TSPAN9: variants seen among roughly 807,000 people sequenced by gnomAD.
TSPAN9 encodes tetraspanin-9.
In TSPAN9, 16 loss-of-function variants were observed where a neutral mutation model predicts 31.0. The ratio of observed to expected loss-of-function variants is 0.52; its 90% CI spans 0.35 to 0.78. TSPAN9 has a LOEUF of 0.78. Among genes scored for constraint, TSPAN9 ranks in the 30% least tolerant of loss-of-function variants. The pLI is 0.01. For missense variants in TSPAN9, 272 were observed against 312.5 expected (o/e 0.87, Z 0.98); for synonymous variants, 145 against 121.6 (o/e 1.19, Z -1.27).
chr12:3,120,876 AC>A (rs1400515585), intron 2 of TSPAN9, among the ~76,000 whole-genome samples: 1 of 152,238 alleles, frequency 6.6e-6, no homozygotes, highest in African/African-American at 2.4e-5. Flanking sequence ...AATGGGGTAG[AC>A]CAGCCCCCAG....
rs769920229 is a variant in TSPAN9 at position 3,147,776 on chromosome 12, G to T, written c.-17-53401G>T. Among the ~76,000 whole-genome samples, 1 of 152,212 alleles carries T rather than the reference G, an allele frequency of 6.6e-6. No individual in the cohort carries two copies. The highest frequency in any genetic ancestry group is 1.5e-5 in the Non-Finnish European group (1 of 68,046). ...TGCCACGTCGGACGGTACTGTTCTA[G>T]ACCAGTAGTTTTCACCTGCAGTGTT... On this transcript the variant is annotated intron_variant, in intron 2 of 8. Transcript: ENST00000011898. The surrounding 1 kb of genome is among the most constrained non-coding windows in gnomAD (Gnocchi z 4.3).
At position 3,086,976 on chromosome 12, in the gene TSPAN9, G is replaced by A. The variant is rs117024727; in HGVS notation, c.-18+3257G>A. On this transcript the variant is annotated intron_variant, in intron 2 of 8. Coordinates refer to ENST00000011898, the MANE Select transcript of TSPAN9 (RefSeq NM_006675.5). ...TCTGGTCCCTCCCCTTGCAATGTGG[G>A]GAATGTGTCAGGTTCAGAGTCAGGG... Among the ~76,000 whole-genome samples, 502 of 152,304 alleles carry A rather than the reference G, an allele frequency of 3.3e-3. 5 individuals are homozygous for A. In the East Asian group the frequency reaches 0.043, roughly 13 times the overall value.
intron 3 of TSPAN9, among the ~76,000 whole-genome samples, chr12:3,239,161 G>A (rs2098395320): frequency 6.6e-6 from 1 of 150,822 alleles, no homozygotes; most frequent in South Asian, 2.1e-4. Context: ...AGGCGTAGAG[G>A]GGTGCCTGGT....
chr12:3,281,875 A>G (rs1828564629), intron 8 of TSPAN9, 58 bp downstream of exon 8: 1 of 1,572,814 alleles, frequency 6.4e-7, no homozygotes, highest in Non-Finnish European at 8.7e-7. Flanking sequence ...CTCAGAGGGA[A>G]GGAAGCACAG....
intron 2 of TSPAN9, among the ~76,000 whole-genome samples, chr12:3,141,569 C>T (rs1053201101): frequency 5.9e-5 from 9 of 152,096 alleles, no homozygotes; most frequent in African/African-American, 1.7e-4. Context: ...TCCCTCATTC[C>T]GTGCCCTCAT....
intron 3 of TSPAN9, among the ~76,000 whole-genome samples, chr12:3,201,811 G>C (rs1336934687): frequency 6.6e-6 from 1 of 152,246 alleles, no homozygotes; most frequent in Non-Finnish European, 1.5e-5. Flanking sequence ...GGCTCAAGCC[G>C]ATGGACCTGC....
intron 2 of TSPAN9, among the ~76,000 whole-genome samples, chr12:3,142,502 G>C (rs939885792): frequency 6.6e-6 from 1 of 152,178 alleles, no homozygotes; most frequent in East Asian, 1.9e-4. Flanking sequence ...AATGTAAGGC[G>C]ATGATTATTT....
chr12:3,157,341 T>C (rs937110321), intron 2 of TSPAN9, among the ~76,000 whole-genome samples: 17 of 151,792 alleles, frequency 1.1e-4, no homozygotes, highest in Non-Finnish European at 2.2e-4. Context: ...GACCGCATGA[T>C]CCCCCCACCT....
chr12:3,105,841 C>T (rs1214005064), intron 2 of TSPAN9, among the ~76,000 whole-genome samples: 2 of 124,424 alleles, frequency 1.6e-5, no homozygotes, highest in Non-Finnish European at 3.6e-5. Context: ...CTTTCATACA[C>T]ACGCTCACAC....
Position 3,169,652 on chromosome 12 carries a change from A to G in TSPAN9, c.-17-31525A>G, listed in dbSNP as rs372664359. Among the ~76,000 whole-genome samples, 8 of 152,362 alleles carry G rather than the reference A, an allele frequency of 5.3e-5. No individual in the cohort carries two copies. The East Asian group carries it at 1.5e-3, about 29-fold the overall frequency. The stretch of plus-strand genomic sequence containing the variant: ...CCTAGGCATCAGTCTGGATGTGGGA[A>G]TCACAGCTAGAAAAGGCCTAGATCC... On this transcript the variant is annotated intron_variant, in intron 2 of 8. Coordinates refer to ENST00000011898, the MANE Select transcript of TSPAN9 (RefSeq NM_006675.5).
chr12:3,157,963 T>G (rs1191306014), intron 2 of TSPAN9, among the ~76,000 whole-genome samples: 4 of 152,140 alleles, frequency 2.6e-5, no homozygotes, highest in Non-Finnish European at 5.9e-5. Context: ...GCAACTCCAT[T>G]GTGTCTTTCT....
Position 3,143,016 on chromosome 12 carries a change from C to G in TSPAN9, c.-17-58161C>G, listed in dbSNP as rs1344660065. Among the ~76,000 whole-genome samples the G allele has an allele frequency of 6.6e-6, 1 of 152,018 alleles. No homozygotes were observed. Among genetic ancestry groups the G allele is most frequent in the African/African-American group, 2.4e-5 (1 of 41,394 alleles). On this transcript the variant is annotated intron_variant, in intron 2 of 8. Coordinates refer to ENST00000011898, the MANE Select transcript of TSPAN9 (RefSeq NM_006675.5). This position sits in a 1 kb window ranked among gnomAD's most constrained non-coding sequence, Gnocchi z 4.2. ...AGTGCTGCTCGGTCACTCTGCAGGA[C>G]GGTTTTTCACTCTGGCTCTGTCTGG... is the stretch of plus-strand genomic sequence containing the variant.
In TSPAN9 at chr12:3,170,911, G is replaced by C. The variant is rs757272286; in HGVS notation, c.-17-30266G>C. 2.6e-5 allele frequency among the ~76,000 whole-genome samples: 4 copies of C among 152,070 alleles called. No individual in the cohort carries two copies. In the South Asian group the frequency reaches 8.3e-4, roughly 32 times the overall value. On this transcript the variant is annotated intron_variant, in intron 2 of 8. Transcript: ENST00000011898. The surrounding 1 kb of genome is among the most constrained non-coding windows in gnomAD (Gnocchi z 4.4). ...CTCATTTCTTAAGCATTGCATCTGC[G>C]TCTCCACTTGGATGACTAATAGACG...
intron 3 of TSPAN9, among the ~76,000 whole-genome samples, chr12:3,220,543 C>T (rs1350649319): frequency 2.0e-5 from 3 of 152,168 alleles, no homozygotes; most frequent in Admixed American, 6.5e-5. Flanking sequence ...GAAGCTTCGT[C>T]GATTCTGCTG....
At chr12:3,238,506 C>G (rs1191690123) in intron 3 of TSPAN9, among the ~76,000 whole-genome samples, 2 of 152,344 alleles carry the variant, frequency 1.3e-5, no homozygotes, top group East Asian at 3.9e-4. Flanking sequence ...CCTTTGCTAG[C>G]TAGGAATACC....
chr12:3,185,195 C>T (rs2098360559), intron 2 of TSPAN9, among the ~76,000 whole-genome samples: 1 of 152,172 alleles, frequency 6.6e-6, no homozygotes, highest in Non-Finnish European at 1.5e-5. Context: ...TGCACAGTCA[C>T]TGAGGGGAGA....
intron 2 of TSPAN9, among the ~76,000 whole-genome samples, chr12:3,096,655 G>A (rs935378033): frequency 6.6e-6 from 1 of 151,694 alleles, no homozygotes; most frequent in African/African-American, 2.4e-5. Context: ...TATTGCAGGG[G>A]TTTCAAACAT....
At chr12:3,262,372 C>CTTT (rs5796041) in intron 3 of TSPAN9, among the ~76,000 whole-genome samples, 5 of 147,766 alleles carry the variant, frequency 3.4e-5, no homozygotes, top group Non-Finnish European at 6.0e-5. Flanking sequence ...GGCTGCTGCT[C>CTTT]TTTTTTTTTT....
chr12:3,199,063 A>G (rs2098369595), intron 2 of TSPAN9, among the ~76,000 whole-genome samples: 1 of 152,190 alleles, frequency 6.6e-6, no homozygotes, highest in African/African-American at 2.4e-5. Context: ...GGCTCCCTGA[A>G]GGGCAGGGAG....
Sources: allele counts gnomAD v4.1 joint callset (sites outside exome capture counted in the v4.1 genomes callset), GRCh38; gene constraint gnomAD v4.1.1; non-coding constraint Gnocchi (gnomAD v3.1); transcripts MANE v1.5; gene names NCBI Gene and HGNC (gene_info 2026-07-23, HGNC 2026-07-21).